The following KIAA2012 variants were observed in gnomAD, a reference collection of about 807,000 sequenced individuals.
KIAA2012 encodes the protein uncharacterized protein KIAA2012.
KIAA2012 carries 125 observed loss-of-function variants against 150.6 expected under a neutral mutation model. The ratio of observed to expected loss-of-function variants is 0.83; its 90% CI spans 0.72 to 0.96. The LOEUF is 0.96. KIAA2012 is among the 40% of genes least tolerant of loss of function. The pLI is 0.00. For missense variants in KIAA2012, 1,219 were observed against 1,354.9 expected, an observed-to-expected ratio of 0.90 and a Z score of 1.57; for synonymous variants, 462 against 504.7, an observed-to-expected ratio of 0.92 and a Z score of 1.13.
At chr2:202,172,867 T>C (rs919992466) in intron 15 of KIAA2012, among the ~76,000 whole-genome samples, 7 of 152,202 alleles carry the variant, frequency 4.6e-5, no homozygotes, top group Admixed American at 3.9e-4. Flanking sequence ...GCTCCCCACA[T>C]TGCCCAGTAT....
intron 12 of KIAA2012, among the ~76,000 whole-genome samples, chr2:202,127,960 C>T (rs1419648521): frequency 6.6e-6 from 1 of 151,804 alleles, no homozygotes; most frequent in Non-Finnish European, 1.5e-5. Flanking sequence ...AAACAACTCC[C>T]CCTCCTCCCT....
chr2:202,184,908 G>T (rs2105742156), intron 16 of KIAA2012, 65 bp downstream of exon 16: 5 of 1,367,082 alleles, frequency 3.7e-6, no homozygotes, highest in African/African-American at 1.5e-5. Flanking sequence ...TTTTTAATTG[G>T]TTTAGTTTGG....
intron 4 of KIAA2012, 76 bp from the exon 5 acceptor site, chr2:202,097,359 G>C (rs1559202280): frequency 6.5e-7 from 1 of 1,533,242 alleles, no homozygotes; most frequent in Admixed American, 2.0e-5. Flanking sequence ...AAGCAAGAAG[G>C]GAGGCAGTTT....
chr2:202,156,689 G>C (rs367569168), intron 14 of KIAA2012, among the ~76,000 whole-genome samples: 2 of 152,086 alleles, frequency 1.3e-5, no homozygotes, highest in Non-Finnish European at 2.9e-5. Context: ...ATCGAGACCA[G>C]CCTGGCTAAC....
intron 22 of KIAA2012, chr2:202,201,967 C>T: frequency 1.5e-6 from 1 of 669,260 alleles, no homozygotes; most frequent in Admixed American, 2.3e-5. Flanking sequence ...CACTTCATGT[C>T]ACGTGACAGT....
rs1399653412 is a variant in KIAA2012 at position 202,154,703 on chromosome 2, C to T, written c.1939C>T (p.Gln647Ter). The change falls in exon 14 of 24, where the codon CAG becomes TAG. Residue 647 changes from glutamine to a stop codon, truncating the protein, a stop_gained. Coordinates refer to ENST00000498697, the MANE Select transcript of KIAA2012 (RefSeq NM_001277372.4). LOFTEE classifies it high-confidence loss of function. Reference sequence around the variant, plus strand: ...CCAGCAGTCCTTGGAGGCAGCAGCTCAGAAGACAGGAGAGCCTCAAAGTTG... The same window carrying T: ...CCAGCAGTCCTTGGAGGCAGCAGCTTAGAAGACAGGAGAGCCTCAAAGTTG... Reference protein sequence around the residue: ...GAQQSLEAAAQKTGEPQSCIN... With the variant: ...GAQQSLEAAA 6.5e-7 allele frequency: 1 copy of T among 1,548,666 alleles called. No homozygotes were observed. The highest frequency in any genetic ancestry group is 8.7e-7 in the Non-Finnish European group (1 of 1,146,546).
intron 2 of KIAA2012, among the ~76,000 whole-genome samples, 157 bp downstream of exon 2, chr2:202,075,332 C>T (rs932001011): frequency 6.6e-6 from 1 of 152,186 alleles, no homozygotes; most frequent in Non-Finnish European, 1.5e-5. Context: ...GTACTCTTAG[C>T]CCTATCTGCT....
chr2:202,187,206 G>T, intron 17 of KIAA2012, 108 bp downstream of exon 17: 1 of 1,206,030 alleles, frequency 8.3e-7, no homozygotes. Flanking sequence ...ACCCGATAAA[G>T]GGGATGAGGG....
rs1690095072 is a variant in KIAA2012 at position 202,103,164 on chromosome 2, G to A, written c.1324+50G>A. Reference sequence around the variant, plus strand: ...CCTGAGGGAGAGCCTGGGATGGGGGGTCCTGCCACTTCTACATGCTCCTAC... The same window carrying A: ...CCTGAGGGAGAGCCTGGGATGGGGGATCCTGCCACTTCTACATGCTCCTAC... On this transcript the variant is annotated intron_variant, in intron 8 of 23. Coordinates refer to ENST00000498697, the MANE Select transcript of KIAA2012 (RefSeq NM_001277372.4). 6 of 1,521,584 alleles carry A rather than the reference G, an allele frequency of 3.9e-6. No homozygotes were observed. The African/African-American group carries it at 4.2e-5, about 11-fold the overall frequency. 94.3% of individuals were successfully genotyped at this position (1,521,584 alleles called of 1,614,324 possible).
intron 11 of KIAA2012, among the ~76,000 whole-genome samples, chr2:202,123,354 A>C (rs1690702527): frequency 6.6e-6 from 1 of 152,182 alleles, no homozygotes; most frequent in Non-Finnish European, 1.5e-5. Context: ...CTCTCCGTTT[A>C]ATCCAGAGTG....
In KIAA2012 at chr2:202,075,009, A is replaced by T. The variant is rs1404862226; in HGVS notation, c.203A>T (p.Lys68Met). ...LFLPKTFSTR[K>M]GALILYSEGF... ...CTCCCTAAAACTTTCAGTACTAGAAAGGGTGCCCTGATCCTGTACTCAGAA... is the reference window on the plus strand; with the variant it reads ...CTCCCTAAAACTTTCAGTACTAGAATGGGTGCCCTGATCCTGTACTCAGAA... The change falls in exon 2 of 24, where the codon AAG becomes ATG. Residue 68 changes from lysine (K) to methionine (M), a missense_variant. By Grantham distance (95) the Lys-to-Met change is moderately conservative (BLOSUM62 -1). Coordinates refer to ENST00000498697, the MANE Select transcript of KIAA2012 (RefSeq NM_001277372.4). 1 of 1,550,704 alleles carries T rather than the reference A, an allele frequency of 6.4e-7. No individual in the cohort carries two copies. Among genetic ancestry groups the T allele is most frequent in the Non-Finnish European group, 8.7e-7 (1 of 1,147,020 alleles).
chr2:202,193,187 G>A (rs2105749306), intron 19 of KIAA2012, 114 bp from the exon 20 acceptor site: 1 of 1,080,594 alleles, frequency 9.3e-7, no homozygotes, highest in East Asian at 2.6e-5. Context: ...AAAGTGTGGA[G>A]TCTGTTTTAT....
In KIAA2012 at chr2:202,190,377, T is replaced by C. The variant is rs1574315004; in HGVS notation, c.2695T>C (p.Tyr899His). The change falls in exon 19 of 24, where the codon TAT becomes CAT. Residue 899 changes from tyrosine (Y) to histidine (H), a missense_variant. Physicochemically the swap from Tyr to His is moderately conservative, Grantham distance 83. Coordinates refer to ENST00000498697, the MANE Select transcript of KIAA2012 (RefSeq NM_001277372.4). ...AGAGGACCCTTGGCTTTCTCCCAAA[T>C]ATGATGCCCAGGAAAGCCAAGTTTC... The part of the protein sequence containing the change: ...FVEDPWLSPK[Y>H]DAQESQVSLD... The C allele has an allele frequency of 1.3e-6, 2 of 1,550,666 alleles. No homozygotes were observed. Among genetic ancestry groups the C allele is most frequent in the Non-Finnish European group, 1.7e-6 (2 of 1,147,006 alleles).
chr2:202,203,638 AG>A (rs913946773), intron 23 of KIAA2012, among the ~76,000 whole-genome samples: 3 of 152,218 alleles, frequency 2.0e-5, no homozygotes, highest in Non-Finnish European at 4.4e-5. Flanking sequence ...CATGACAGGA[AG>A]TTCTATTGGG....
At chr2:202,175,022 G>A (rs537444732) in intron 15 of KIAA2012, among the ~76,000 whole-genome samples, 13 of 152,088 alleles carry the variant, frequency 8.5e-5, no homozygotes, top group African/African-American at 3.1e-4. Context: ...TAATTGTTTT[G>A]GAATTTGCAA....
chr2:202,190,206 T>C lies in KIAA2012; in HGVS notation c.2524T>C (p.Leu842=). 2.0e-6 allele frequency: 3 copies of C among 1,518,556 alleles called. No individual in the cohort carries two copies. The highest frequency in any genetic ancestry group is 1.4e-5 in the African/African-American group (1 of 70,242). The allele number at this position is 1,518,556 out of a possible 1,614,324, so 94.1% of individuals were successfully genotyped here. Residue 842 remains leucine, a synonymous_variant, in exon 19 of 24, where the codon TTA becomes CTA. Coordinates refer to ENST00000498697, the MANE Select transcript of KIAA2012 (RefSeq NM_001277372.4). ...KSKDSKAKKK[L]EKKTRPQRKR... ...AAAGGACTCAAAGGCTAAAAAAAAA[T>C]TAGAAAAAAAAACAAGACCCCAAAG...
rs1287802318 is a variant in KIAA2012, at chr2:202,111,438, A to T, written c.1651+1649A>T. ...GGCAGGAAAATCACTTGAACCTGGGAGGCAGAGGTTGCAGTGAGCCGAGAT... is the reference window on the plus strand; with the variant it reads ...GGCAGGAAAATCACTTGAACCTGGGTGGCAGAGGTTGCAGTGAGCCGAGAT... On this transcript the variant is annotated intron_variant, in intron 10 of 23. Transcript: ENST00000498697. Among the ~76,000 whole-genome samples the T allele has an allele frequency of 3.0e-5, 4 of 135,514 alleles. No individual in the cohort carries two copies. The East Asian group carries it at 9.9e-4, about 33-fold the overall frequency. The allele number at this position is 135,514 out of a possible 152,430, so 88.9% of individuals were successfully genotyped here.
chr2:202,130,871 T>C (rs1575027757), intron 12 of KIAA2012, among the ~76,000 whole-genome samples: 1 of 152,064 alleles, frequency 6.6e-6, no homozygotes, highest in Non-Finnish European at 1.5e-5. Context: ...GAGCCAAGAT[T>C]GTGCCACTGC....
chr2:202,165,052 A>G (rs532228020), intron 14 of KIAA2012, among the ~76,000 whole-genome samples: 28 of 152,042 alleles, frequency 1.8e-4, no homozygotes, highest in Admixed American at 1.5e-3. Flanking sequence ...CCTCCCAAAT[A>G]GCTGAGACTA....
Sources: allele counts gnomAD v4.1 joint callset (sites outside exome capture counted in the v4.1 genomes callset), GRCh38; gene constraint gnomAD v4.1.1; transcripts MANE v1.5; gene names NCBI Gene and HGNC (gene_info 2026-07-23, HGNC 2026-07-21).